The following CELF2 variants were observed in gnomAD, a reference collection of about 807,000 sequenced individuals.
The protein encoded by CELF2 is CUGBP Elav-like family member 2.
In CELF2, 8 loss-of-function variants were observed where a neutral mutation model predicts 62.6. That is an observed-to-expected ratio of 0.13 (90% CI 0.07 to 0.23). The LOEUF (loss-of-function observed/expected upper bound fraction) is 0.23, where lower values mean the gene tolerates loss of function less well. Ranked by LOEUF, CELF2 falls within the 10% of genes least tolerant of loss-of-function variation. The probability of loss-of-function intolerance (pLI) is 1.00; values close to 1 mark genes in which losing one functional copy is unlikely to be tolerated. For synonymous variants in CELF2, 258 were observed against 250.0 expected (o/e 1.03, Z -0.30); for missense variants, 333 against 671.0 (o/e 0.50, Z 5.56).
chr10:10,818,067 C>T (rs956446733), intron 1 of CELF2, among the ~76,000 whole-genome samples: 1 of 152,182 alleles, frequency 6.6e-6, no homozygotes, highest in African/African-American at 2.4e-5. Context: ...ATCACTTGTA[C>T]ATAAAGCCAA....
chr10:10,962,033 G>A (rs2049564819), intron 2 of CELF2, among the ~76,000 whole-genome samples: 1 of 151,924 alleles, frequency 6.6e-6, no homozygotes, highest in South Asian at 2.1e-4. Flanking sequence ...TTCAGGACCA[G>A]CCTGGGCAAC....
At chr10:10,535,641 C>A in the CELF2 span, among the ~76,000 whole-genome samples, 5 of 152,114 alleles carry the variant, frequency 3.3e-5, no homozygotes, top group Non-Finnish European at 7.4e-5. Context: ...ATCGCTTGAA[C>A]CCTGGAGGCG....
the CELF2 span, among the ~76,000 whole-genome samples, chr10:10,571,667 G>A: frequency 1.3e-5 from 2 of 152,104 alleles, no homozygotes; most frequent in African/African-American, 4.8e-5. Context: ...ATCATTAGGA[G>A]GTCTTAATGA....
chr10:11,087,262 T>C (rs2047073963), intron 1 of CELF2, among the ~76,000 whole-genome samples: 1 of 152,146 alleles, frequency 6.6e-6, no homozygotes, highest in Non-Finnish European at 1.5e-5. Flanking sequence ...TGTAAAAAGA[T>C]TGATAGGTGA....
chr10:10,590,989 A>C, the CELF2 span, among the ~76,000 whole-genome samples: 1 of 152,372 alleles, frequency 6.6e-6, no homozygotes, highest in East Asian at 1.9e-4. Flanking sequence ...ACAATAAAGT[A>C]GACCTTCTCA....
chr10:11,038,430 C>T lies in CELF2; in HGVS notation c.74+20267C>T, dbSNP rs749767109. Among the ~76,000 whole-genome samples, 88 of 152,084 alleles carry T rather than the reference C, an allele frequency of 5.8e-4. 1 individual carries two copies. The highest frequency in any genetic ancestry group is 1.2e-3 in the Admixed American group (18 of 15,258). ...GTGTGAAATTGAATGGTATTTCAAA[C>T]GGTAGTGCTTATTAAGTTATTGATA... On this transcript the variant is annotated intron_variant, in intron 1 of 12. Transcript: ENST00000633077.
the CELF2 span, among the ~76,000 whole-genome samples, chr10:10,541,816 G>A: frequency 1.3e-5 from 2 of 152,128 alleles, no homozygotes; most frequent in Non-Finnish European, 2.9e-5. Flanking sequence ...TCTTGTGCCA[G>A]CCTATCTCAT....
At position 10,830,478 on chromosome 10, in the gene CELF2, G is replaced by T. The variant is rs1011331449; in HGVS notation, c.53+31661G>T. 3.3e-5 allele frequency among the ~76,000 whole-genome samples: 5 copies of T among 152,196 alleles called. No homozygotes were observed. The South Asian group carries it at 1.0e-3, about 32-fold the overall frequency. ...GTTCGTATAATATGTCACCCATAAT[G>T]AAGCCAAGTTTGATTCGTCATTTTG... On this transcript the variant is annotated intron_variant, in intron 1 of 13. Transcript: ENST00000636488.
At chr10:11,188,578 G>C (rs976572582) in intron 2 of CELF2, among the ~76,000 whole-genome samples, 1 of 151,976 alleles carries the variant, frequency 6.6e-6, no homozygotes, top group African/African-American at 2.4e-5. Flanking sequence ...TTATGTGACT[G>C]GGTTTGAGTA....
intron 2 of CELF2, among the ~76,000 whole-genome samples, chr10:11,216,808 G>C (rs547259732): frequency 2.0e-5 from 3 of 152,308 alleles, no homozygotes; most frequent in African/African-American, 7.2e-5. Context: ...ACTAACATCT[G>C]TTTGGGCATG....
intron 1 of CELF2, among the ~76,000 whole-genome samples, chr10:11,026,208 T>C (rs2059177437): frequency 6.6e-6 from 1 of 152,216 alleles, no homozygotes; most frequent in African/African-American, 2.4e-5. Flanking sequence ...ATGATCCATG[T>C]CATGATCCCA....
intron 2 of CELF2, among the ~76,000 whole-genome samples, chr10:11,196,966 A>C (rs1358412514): frequency 2.1e-5 from 2 of 96,798 alleles, no homozygotes; most frequent in Non-Finnish European, 4.6e-5. Context: ...CTCAAAAGAA[A>C]AAGAAAGAAA....
In CELF2 at chr10:10,972,991, T is replaced by G. The variant is rs1020675060; in HGVS notation, c.89+52992T>G. Among the ~76,000 whole-genome samples, 1 of 151,968 alleles carries G rather than the reference T, an allele frequency of 6.6e-6. No individual in the cohort carries two copies. The highest frequency in any genetic ancestry group is 6.5e-5 in the Admixed American group (1 of 15,268). On this transcript the variant is annotated intron_variant, in intron 2 of 13. Transcript: ENST00000636488. The surrounding 1 kb of genome is among the most constrained non-coding windows in gnomAD (Gnocchi z 4.4). ...AAAGAATGTGAAACCCTGAGGAGAA[T>G]AGTTAAAGCAGAAGGCAGCCGGGCA...
intron 2 of CELF2, among the ~76,000 whole-genome samples, chr10:10,939,945 C>T (rs113722404): frequency 0.032 from 4,924 of 152,162 alleles, 89 homozygotes; most frequent in Non-Finnish European, 0.054. Context: ...CAGAGCGAGG[C>T]TCCATCTCAA....
the CELF2 span, among the ~76,000 whole-genome samples, chr10:10,484,904 G>A: frequency 2.0e-5 from 3 of 152,068 alleles, no homozygotes; most frequent in Admixed American, 2.0e-4. Flanking sequence ...TGAAGAAGAG[G>A]ATATTTTCCA....
chr10:11,279,940 C>G (rs1211177270), intron 8 of CELF2, among the ~76,000 whole-genome samples: 1 of 152,128 alleles, frequency 6.6e-6, no homozygotes, highest in Non-Finnish European at 1.5e-5. Context: ...TTCAGTCACC[C>G]AGTTTATTGC....
chr10:11,036,479 CTTTCTG>C (rs1564464126), intron 1 of CELF2, among the ~76,000 whole-genome samples: 1 of 152,184 alleles, frequency 6.6e-6, no homozygotes, highest in Non-Finnish European at 1.5e-5. Flanking sequence ...CAATATTTAC[CTTTCTG>C]TGGGGACTGA....
In CELF2 at chr10:11,257,875, G is replaced by T; in HGVS notation, c.538+3G>T. On this transcript the variant is annotated splice_donor_region_variant and intron_variant, in intron 5 of 12. Coordinates refer to ENST00000633077, the MANE Select transcript of CELF2 (RefSeq NM_001326342.2). ...GGGACCTGATGGGCTGAGTCGAGGT[G>T]AGTGTGCTGTCTGGAAAGCCTCTCC... 6.2e-7 allele frequency: 1 copy of T among 1,614,118 alleles called. No individual in the cohort carries two copies. The highest frequency in any genetic ancestry group is 1.1e-5 in the South Asian group (1 of 91,084).
At chr10:10,623,034 C>G in the CELF2 span, among the ~76,000 whole-genome samples, 1 of 134,140 alleles carries the variant, frequency 7.5e-6, no homozygotes, top group South Asian at 2.3e-4. Flanking sequence ...TGCAGTGAGC[C>G]GAGATTGCGC....
Sources: gnomAD v4.1 joint callset for allele counts (sites outside exome capture counted in the v4.1 genomes callset) on GRCh38, gnomAD v4.1.1 for gene constraint, Gnocchi (gnomAD v3.1) non-coding constraint, MANE v1.5 for transcripts, NCBI Gene and HGNC (gene_info 2026-07-23, HGNC 2026-07-21) for gene names.